Variants in DOK6 observed in about 807,000 individuals in gnomAD.
DOK6 encodes docking protein 6.
Under a neutral mutation model 44.0 loss-of-function variants are expected in DOK6, and 22 were observed. That is an observed-to-expected ratio of 0.50 (90% confidence interval 0.36 to 0.71). The LOEUF (loss-of-function observed/expected upper bound fraction) is 0.71. Ranked by LOEUF, DOK6 falls within the 30% of genes least tolerant of loss-of-function variation. The pLI is 0.00. For synonymous variants in DOK6, 166 were observed against 145.5 expected, an observed-to-expected ratio of 1.14 and a Z score of -1.01; for missense variants, 340 against 416.4, an observed-to-expected ratio of 0.82 and a Z score of 1.60.
At chr18:69,723,616 G>A (rs1978293091) in intron 5 of DOK6, among the ~76,000 whole-genome samples, 1 of 152,206 alleles carries the variant, frequency 6.6e-6, no homozygotes, top group South Asian at 2.1e-4. Context: ...AAGCACAGCA[G>A]GAAAATATTT....
chr18:69,642,377 C>T (rs1406740765), intron 3 of DOK6, among the ~76,000 whole-genome samples: 5 of 151,776 alleles, frequency 3.3e-5, no homozygotes, highest in African/African-American at 1.2e-4. Context: ...CAGTCAAGAA[C>T]CACTTGTTTG....
intron 6 of DOK6, among the ~76,000 whole-genome samples, chr18:69,747,632 A>G (rs1203586062): frequency 6.6e-6 from 1 of 150,872 alleles, no homozygotes; most frequent in Non-Finnish European, 1.5e-5. Flanking sequence ...ATCAAAGTCT[A>G]AAGAGCAATG....
chr18:69,777,138 A>G (rs1980098490), intron 7 of DOK6, among the ~76,000 whole-genome samples: 2 of 52,268 alleles, frequency 3.8e-5, no homozygotes, highest in Non-Finnish European at 1.5e-4. Context: ...AACTTAAAGT[A>G]TAATAAAAAA....
chr18:69,600,072 T>C (rs1983837761), intron 3 of DOK6, among the ~76,000 whole-genome samples: 1 of 152,224 alleles, frequency 6.6e-6, no homozygotes, highest in South Asian at 2.1e-4. Context: ...CTGTGGTGTG[T>C]AATATATTAG....
rs1312361850 is a variant in DOK6, at chr18:69,804,960, A to C, written c.857-36284A>C. Among the ~76,000 whole-genome samples, 4 of 152,078 alleles carry C rather than the reference A, an allele frequency of 2.6e-5. No homozygotes were observed. In the East Asian group the frequency reaches 7.7e-4, roughly 29 times the overall value. On this transcript the variant is annotated intron_variant, in intron 7 of 7. Coordinates refer to ENST00000382713, the MANE Select transcript of DOK6 (RefSeq NM_152721.6). Reference sequence around the variant, plus strand: ...ATAAATAACGTACGAAGGAATATGAACAGGGGAAAGGTCAAAATACATTTC... The same window carrying C: ...ATAAATAACGTACGAAGGAATATGACCAGGGGAAAGGTCAAAATACATTTC...
intron 7 of DOK6, among the ~76,000 whole-genome samples, chr18:69,828,566 A>G (rs968084700): frequency 6.6e-6 from 1 of 151,760 alleles, no homozygotes; most frequent in African/African-American, 2.4e-5. Flanking sequence ...TATTATGGAG[A>G]ATTTATAAAA....
chr18:69,509,481 AG>A (rs1981293723), intron 1 of DOK6, among the ~76,000 whole-genome samples: 1 of 151,866 alleles, frequency 6.6e-6, no homozygotes, highest in Non-Finnish European at 1.5e-5. Flanking sequence ...ACTAAAAAAT[AG>A]AAAAAATTAG....
intron 1 of DOK6, among the ~76,000 whole-genome samples, chr18:69,520,312 G>T (rs1385081525): frequency 6.6e-6 from 1 of 151,750 alleles, no homozygotes; most frequent in African/African-American, 2.4e-5. Context: ...ATTTGGGTAA[G>T]GTGTTAGTAA....
intron 1 of DOK6, among the ~76,000 whole-genome samples, chr18:69,548,703 C>G (rs1044265137): frequency 6.6e-6 from 1 of 151,548 alleles, no homozygotes; most frequent in African/African-American, 2.4e-5. Context: ...TGGTATATTC[C>G]TGGACCTATA....
At chr18:69,564,993 G>C (rs1182640262) in intron 2 of DOK6, among the ~76,000 whole-genome samples, 1 of 152,098 alleles carries the variant, frequency 6.6e-6, no homozygotes, top group Non-Finnish European at 1.5e-5. Flanking sequence ...AACGTATATG[G>C]CATTTGCTGT....
intron 1 of DOK6, among the ~76,000 whole-genome samples, chr18:69,402,783 G>A (rs1264300382): frequency 2.0e-5 from 3 of 152,254 alleles, no homozygotes; most frequent in Non-Finnish European, 2.9e-5. Flanking sequence ...CAAGGCGAGA[G>A]AGAGCAGGCG....
At chr18:69,484,239 C>T (rs1980510491) in intron 1 of DOK6, among the ~76,000 whole-genome samples, 1 of 151,980 alleles carries the variant, frequency 6.6e-6, no homozygotes, top group Non-Finnish European at 1.5e-5. Flanking sequence ...TAACTGGTTT[C>T]TATGTAATAC....
At chr18:69,490,199 T>C (rs1182900295) in intron 1 of DOK6, among the ~76,000 whole-genome samples, 2 of 152,190 alleles carry the variant, frequency 1.3e-5, no homozygotes, top group African/African-American at 4.8e-5. Flanking sequence ...TTTGCATTGA[T>C]TCTGACTTCT....
intron 4 of DOK6, among the ~76,000 whole-genome samples, chr18:69,684,386 T>C (rs1986105159): frequency 6.6e-6 from 1 of 152,204 alleles, no homozygotes; most frequent in Non-Finnish European, 1.5e-5. Flanking sequence ...AAAGGAGATG[T>C]ATATGTGAAG....
At chr18:69,602,076 T>G (rs1318179187) in intron 3 of DOK6, among the ~76,000 whole-genome samples, 1 of 152,200 alleles carries the variant, frequency 6.6e-6, no homozygotes, top group African/African-American at 2.4e-5. Context: ...TTTATGTAGA[T>G]GCTCTGTCCA....
intron 5 of DOK6, among the ~76,000 whole-genome samples, chr18:69,705,957 C>T (rs1469677297): frequency 1.3e-5 from 2 of 151,392 alleles, no homozygotes; most frequent in African/African-American, 4.9e-5. Flanking sequence ...TGCTAAGAAA[C>T]TGCAGACAGA....
chr18:69,697,416 C>T (rs990039427), intron 4 of DOK6, among the ~76,000 whole-genome samples: 11 of 143,368 alleles, frequency 7.7e-5, no homozygotes, highest in African/African-American at 2.6e-4. Flanking sequence ...TAAAGTTTTT[C>T]TTATGACTTT....
At chr18:69,573,225 C>T (rs1238737543) in intron 2 of DOK6, among the ~76,000 whole-genome samples, 1 of 151,754 alleles carries the variant, frequency 6.6e-6, no homozygotes, top group East Asian at 1.9e-4. Flanking sequence ...CAGAAACACA[C>T]ATGCTCTATG....
chr18:69,754,934 ACT>A (rs1184444534), intron 6 of DOK6, among the ~76,000 whole-genome samples: 2 of 152,138 alleles, frequency 1.3e-5, no homozygotes, highest in African/African-American at 2.4e-5. Context: ...TGGGGAATGG[ACT>A]CTATTTTAAA....
Sources: allele counts gnomAD v4.1 joint callset (sites outside exome capture counted in the v4.1 genomes callset), GRCh38; gene constraint gnomAD v4.1.1; transcripts MANE v1.5; gene names NCBI Gene and HGNC (gene_info 2026-07-23, HGNC 2026-07-21).